Variants in CRISP2 observed in about 807,000 individuals in gnomAD.
CRISP2 encodes cysteine rich secretory protein 2.
CRISP2 carries 29 observed loss-of-function variants against 31.7 expected under a neutral mutation model. The observed-to-expected ratio is 0.92, with a 90% CI of 0.68 to 1.25. The LOEUF (loss-of-function observed/expected upper bound fraction) is 1.25, where lower values mean the gene tolerates loss of function less well. Ranked by LOEUF, CRISP2 falls within the 50% of genes most tolerant of loss-of-function variation. CRISP2 has a pLI of 0.00. For synonymous variants in CRISP2, 111 were observed against 101.4 expected, an observed-to-expected ratio of 1.09 and a Z score of -0.57; for missense variants, 318 against 286.5, an observed-to-expected ratio of 1.11 and a Z score of -0.79.
At chr6:49,707,379 G>C (rs979033106) in intron 4 of CRISP2, among the ~76,000 whole-genome samples, 1 of 152,126 alleles carries the variant, frequency 6.6e-6, no homozygotes, top group South Asian at 2.1e-4. Context: ...GATGAACAGA[G>C]TTTTCTAGGC....
chr6:49,713,299 G>A (rs547166098), intron 1 of CRISP2, among the ~76,000 whole-genome samples, 176 bp downstream of exon 1: 1 of 152,234 alleles, frequency 6.6e-6, no homozygotes, highest in East Asian at 1.9e-4. Context: ...GTAGGTCGGC[G>A]CTAAGCAACA....
the CRISP2 span, among the ~76,000 whole-genome samples, chr6:49,683,574 G>C: frequency 6.9e-6 from 1 of 145,326 alleles, no homozygotes. Context: ...TGAGGCAGGA[G>C]AATCACTTGA....
intron 6 of CRISP2, among the ~76,000 whole-genome samples, chr6:49,699,508 T>A (rs1765308979): frequency 6.6e-6 from 1 of 152,066 alleles, no homozygotes; most frequent in South Asian, 2.1e-4. Context: ...AAGTCACTTT[T>A]CTTTCAAATT....
At chr6:49,683,543 A>G in the CRISP2 span, among the ~76,000 whole-genome samples, 4 of 149,868 alleles carry the variant, frequency 2.7e-5, no homozygotes, top group African/African-American at 9.8e-5. Context: ...AGGCGCCTGT[A>G]ATCCCAACTA....
Position 49,698,506 on chromosome 6 carries a change from A to G in CRISP2, c.273T>C (p.Ser91=), listed in dbSNP as rs1388822584. The change falls in exon 7 of 10, where the codon AGT becomes AGC. Residue 91 remains serine (S), a splice_region_variant and synonymous_variant. Transcript: ENST00000339139. ...QHSDPEDRKT[S]TRCGENLYMS... Reference sequence around the variant, plus strand: ...TATAGAGATTCTCACCACATCTTGTACCTAAGGGGCAGATCATTCATGAGC... The same window carrying G: ...TATAGAGATTCTCACCACATCTTGTGCCTAAGGGGCAGATCATTCATGAGC... 1.2e-6 allele frequency: 2 copies of G among 1,605,692 alleles called. No individual in the cohort carries two copies. The highest frequency in any genetic ancestry group is 1.7e-6 in the Non-Finnish European group (2 of 1,177,720).
Position 49,695,862 on chromosome 6 carries a change from G to A in CRISP2, c.578C>T (p.Pro193Leu). ...YQQGTPCAGC[P>L]DDCDKGLCTN... Reference sequence around the variant, plus strand: ...GCATAGTCCTTTGTCACAGTCATCAGGGCAACCGGCACAAGGTGTTCCTTG... The same window carrying A: ...GCATAGTCCTTTGTCACAGTCATCAAGGCAACCGGCACAAGGTGTTCCTTG... Residue 193 changes from proline to leucine, a missense_variant, in exon 9 of 10, where the codon CCT becomes CTT. By Grantham distance (98) the Pro-to-Leu change is moderately conservative (BLOSUM62 -3). Transcript: ENST00000339139. 6.2e-7 allele frequency: 1 copy of A among 1,613,030 alleles called. No homozygotes were observed. The highest frequency in any genetic ancestry group is 2.2e-5 in the East Asian group (1 of 44,786).
At chr6:49,682,487 C>G in the CRISP2 span, among the ~76,000 whole-genome samples, 871 of 122,102 alleles carry the variant, frequency 7.1e-3, 22 homozygotes, top group African/African-American at 0.025. Context: ...CCTCCCTCCT[C>G]CTCCTCCTAT....
Position 49,698,539 on chromosome 6 carries a change from T to C in CRISP2, c.272-32A>G. ...GGCAGATCATTCATGAGCAAGGTAATAAACATGCAATGGTAAAAGAAATTG... is the reference window on the plus strand; with the variant it reads ...GGCAGATCATTCATGAGCAAGGTAACAAACATGCAATGGTAAAAGAAATTG... On this transcript the variant is annotated intron_variant, in intron 6 of 9. Transcript: ENST00000339139. The C allele has an allele frequency of 1.9e-6, 3 of 1,575,268 alleles. No homozygotes were observed. The Middle Eastern group carries it at 5.1e-4, about 269-fold the overall frequency.
the CRISP2 span, among the ~76,000 whole-genome samples, chr6:49,685,991 C>T: frequency 6.6e-6 from 1 of 152,198 alleles, no homozygotes; most frequent in African/African-American, 2.4e-5. Context: ...CAGCCCACCC[C>T]ATTCTCAGCC....
chr6:49,701,926 T>C (rs1371005447), intron 4 of CRISP2, among the ~76,000 whole-genome samples: 9 of 11,476 alleles, frequency 7.8e-4, no homozygotes, highest in African/African-American at 5.2e-3. Flanking sequence ...TTATATTATA[T>C]ATAATATATA....
the CRISP2 span, among the ~76,000 whole-genome samples, chr6:49,678,624 A>G: frequency 4.4e-3 from 666 of 152,190 alleles, 10 homozygotes; most frequent in African/African-American, 0.015. Flanking sequence ...ATGTGATAGC[A>G]TCGGGATTTA....
chr6:49,678,604 G>A, the CRISP2 span, among the ~76,000 whole-genome samples: 1 of 152,256 alleles, frequency 6.6e-6, no homozygotes, highest in South Asian at 2.1e-4. Context: ...TGTAATTGCA[G>A]AGAGTGTAAA....
At chr6:49,681,930 C>T in the CRISP2 span, among the ~76,000 whole-genome samples, 3 of 151,934 alleles carry the variant, frequency 2.0e-5, no homozygotes, top group Non-Finnish European at 4.4e-5. Context: ...TCATGATCAC[C>T]TTGAAATGTT....
chr6:49,688,343 T>A (rs1270392589), downstream of CRISP2, among the ~76,000 whole-genome samples: 1 of 152,220 alleles, frequency 6.6e-6, no homozygotes, highest in Non-Finnish European at 1.5e-5. Flanking sequence ...GACTTTAAGA[T>A]AAGGATGTTT....
chr6:49,687,060 G>C, the CRISP2 span, among the ~76,000 whole-genome samples: 30 of 152,178 alleles, frequency 2.0e-4, no homozygotes, highest in East Asian at 5.4e-3. Flanking sequence ...TGTGGGATGG[G>C]GGGAGAGGGG....
At chr6:49,694,260 C>T (rs1202936244) in intron 9 of CRISP2, among the ~76,000 whole-genome samples, 1 of 152,192 alleles carries the variant, frequency 6.6e-6, no homozygotes, top group Non-Finnish European at 1.5e-5. Flanking sequence ...CCCATGGACT[C>T]TCAGACCAGG....
chr6:49,707,862 T>C (rs554158829), intron 4 of CRISP2, among the ~76,000 whole-genome samples: 2 of 152,300 alleles, frequency 1.3e-5, no homozygotes, highest in African/African-American at 2.4e-5. Flanking sequence ...CACTGAAGAT[T>C]GCTGACCATA....
chr6:49,702,144 T>TATATATATATGTGTAC (rs1561878958), intron 4 of CRISP2, among the ~76,000 whole-genome samples: 2 of 14,608 alleles, frequency 1.4e-4, no homozygotes, highest in African/African-American at 1.2e-3. Context: ...GTGTACTATA[T>TATATATATATGTGTAC]ATATATATAT....
the CRISP2 span, among the ~76,000 whole-genome samples, chr6:49,679,860 C>G: frequency 1.3e-5 from 2 of 152,078 alleles, no homozygotes; most frequent in African/African-American, 2.4e-5. Flanking sequence ...CATGTGCCAC[C>G]ATGCCCAGCT....
Sources: allele counts gnomAD v4.1 joint callset (sites outside exome capture counted in the v4.1 genomes callset), GRCh38; gene constraint gnomAD v4.1.1; transcripts MANE v1.5; gene names NCBI Gene and HGNC (gene_info 2026-07-23, HGNC 2026-07-21).